TSHZ2: variants seen among roughly 807,000 people sequenced by gnomAD.
TSHZ2 encodes teashirt homolog 2.
A neutral mutation model predicts 74.4 loss-of-function variants in TSHZ2; 21 were observed. That is an observed-to-expected ratio of 0.28 (90% confidence interval 0.20 to 0.41). The LOEUF is 0.41. Ranked by LOEUF, TSHZ2 falls within the 10% of genes least tolerant of loss-of-function variation. The pLI is 1.00. For synonymous variants in TSHZ2, 540 were observed against 515.3 expected (o/e 1.05, Z -0.65); for missense variants, 1,244 against 1,293.5 (o/e 0.96, Z 0.59).
intron 2 of TSHZ2, among the ~76,000 whole-genome samples, chr20:53,436,469 C>T (rs1472103684): frequency 4.0e-5 from 6 of 151,328 alleles, no homozygotes; most frequent in South Asian, 4.2e-4. Context: ...AAGCCGTGGA[C>T]GACGTACCTA....
At chr20:53,395,145 C>A (rs950138181) in intron 2 of TSHZ2, among the ~76,000 whole-genome samples, 5 of 152,154 alleles carry the variant, frequency 3.3e-5, no homozygotes, top group Admixed American at 1.3e-4. Context: ...CACAACCCAC[C>A]AGATCAATGA....
chr20:53,259,341 C>A (rs1175433590), intron 2 of TSHZ2, among the ~76,000 whole-genome samples: 1 of 152,194 alleles, frequency 6.6e-6, no homozygotes, highest in African/African-American at 2.4e-5. Flanking sequence ...TTAAATCCTG[C>A]AAAATGCTCT....
rs1986364894 is a variant in TSHZ2 at position 53,488,808 on chromosome 20, C to G, written c.*1673C>G. On this transcript the variant is annotated 3_prime_UTR_variant, in exon 3 of 3. Coordinates refer to ENST00000371497, the MANE Select transcript of TSHZ2 (RefSeq NM_173485.6). ...GTTGGAATTGTTTTGGAAATTTTGA[C>G]ATGATCCCTAAATTCAACATTGGGA... The G allele has an allele frequency of 3.1e-6, 1 of 317,572 alleles. No homozygotes were observed. Among genetic ancestry groups the G allele is most frequent in the Non-Finnish European group, 6.1e-6 (1 of 164,248 alleles). 19.7% of individuals were successfully genotyped at this position (317,572 alleles called of 1,614,324 possible).
At position 53,234,787 on chromosome 20, in the gene TSHZ2, T is replaced by C. The variant is rs551201038; in HGVS notation, c.41-18712T>C. 5.9e-5 allele frequency among the ~76,000 whole-genome samples: 9 copies of C among 152,238 alleles called. No homozygotes were observed. In the South Asian group the frequency reaches 1.9e-3, roughly 32 times the overall value. ...GGAAGAGGGAAATAGAAGAAAGCGT[T>C]GGAGACCAAGTGGAGAGCTAACATA... is the stretch of plus-strand genomic sequence containing the variant. On this transcript the variant is annotated intron_variant, in intron 1 of 2. Transcript: ENST00000371497.
intron 1 of TSHZ2, among the ~76,000 whole-genome samples, chr20:53,025,746 G>T (rs374599176): frequency 1.3e-5 from 2 of 152,180 alleles, no homozygotes; most frequent in African/African-American, 4.8e-5. Context: ...GTCACAAAAT[G>T]AATCCTCTCT....
At chr20:53,410,587 CATTATTATTATT>C (rs71194476) in intron 2 of TSHZ2, among the ~76,000 whole-genome samples, 20 of 141,844 alleles carry the variant, frequency 1.4e-4, no homozygotes, top group South Asian at 1.4e-3. Context: ...ATTATCGTCA[CATTATTATTATT>C]ATTATTATTA....
intron 2 of TSHZ2, among the ~76,000 whole-genome samples, chr20:53,419,093 A>G (rs1568909166): frequency 6.6e-6 from 1 of 152,192 alleles, no homozygotes; most frequent in African/African-American, 2.4e-5. Context: ...AGTTGGCGCT[A>G]ATTGTTAGAT....
At chr20:53,076,496 C>G (rs1349521964) in intron 1 of TSHZ2, among the ~76,000 whole-genome samples, 1 of 152,168 alleles carries the variant, frequency 6.6e-6, no homozygotes, top group Non-Finnish European at 1.5e-5. Flanking sequence ...TCAGACTGCA[C>G]GTTTCAGTTG....
At chr20:53,135,650 C>T (rs970036030) in intron 1 of TSHZ2, among the ~76,000 whole-genome samples, 4 of 152,072 alleles carry the variant, frequency 2.6e-5, no homozygotes, top group Admixed American at 2.6e-4. Flanking sequence ...GGCTGGAGTA[C>T]AGTACAGTGG....
chr20:53,186,797 A>C (rs1600730321), intron 1 of TSHZ2, among the ~76,000 whole-genome samples: 1 of 151,908 alleles, frequency 6.6e-6, no homozygotes, highest in East Asian at 1.9e-4. Context: ...CGTATTAACA[A>C]TCTCCCCTCA....
intron 2 of TSHZ2, among the ~76,000 whole-genome samples, chr20:53,422,019 T>C (rs931921970): frequency 6.6e-6 from 1 of 152,186 alleles, no homozygotes; most frequent in African/African-American, 2.4e-5. Context: ...CCACTGCTTC[T>C]GTAGCTCAGG....
chr20:53,467,635 C>T (rs1985601246), intron 2 of TSHZ2, among the ~76,000 whole-genome samples: 1 of 152,198 alleles, frequency 6.6e-6, no homozygotes, highest in South Asian at 2.1e-4. Flanking sequence ...CAATATCACA[C>T]AGCTAGTAAA....
At chr20:53,072,957 T>TCATCCATCTATCCCTC (rs1985223129) in intron 1 of TSHZ2, among the ~76,000 whole-genome samples, 1 of 150,080 alleles carries the variant, frequency 6.7e-6, no homozygotes, top group Non-Finnish European at 1.5e-5. Flanking sequence ...CTCCGTTCCT[T>TCATCCATCTATCCCTC]CATCCATCTA....
chr20:53,465,287 G>A (rs1323387962), intron 2 of TSHZ2, among the ~76,000 whole-genome samples: 1 of 152,010 alleles, frequency 6.6e-6, no homozygotes, highest in African/African-American at 2.4e-5. Context: ...GTGTGTGTGT[G>A]TGAGACAGAG....
chr20:53,395,998 C>T (rs894832137), intron 2 of TSHZ2, among the ~76,000 whole-genome samples: 3 of 152,180 alleles, frequency 2.0e-5, no homozygotes, highest in Non-Finnish European at 4.4e-5. Context: ...TGCAGTGGCG[C>T]GATCTCGGCT....
intron 1 of TSHZ2, among the ~76,000 whole-genome samples, chr20:53,155,349 G>A (rs1369425672): frequency 6.6e-6 from 1 of 152,062 alleles, no homozygotes; most frequent in Non-Finnish European, 1.5e-5. Flanking sequence ...TGAGACTGGT[G>A]TCAGAAAGGA....
rs372274817 is a variant in TSHZ2, at chr20:52,985,783, C to T, written c.40+12450C>T. ...CCAAGGAGCCGAAAGCATGTCTCTA[C>T]GGGGAAAGGTTAGAGAGCACTGACT... On this transcript the variant is annotated intron_variant, in intron 1 of 2. Coordinates refer to ENST00000371497, the MANE Select transcript of TSHZ2 (RefSeq NM_173485.6). 1.8e-3 allele frequency among the ~76,000 whole-genome samples: 272 copies of T among 152,234 alleles called. 1 individual carries two copies. The highest frequency in any genetic ancestry group is 2.9e-3 in the Non-Finnish European group (200 of 68,012).
intron 1 of TSHZ2, among the ~76,000 whole-genome samples, chr20:53,032,501 A>G (rs554505486): frequency 1.3e-5 from 2 of 152,322 alleles, no homozygotes; most frequent in African/African-American, 2.4e-5. Context: ...CCACTTGGTA[A>G]TATCATCAGG....
chr20:53,371,036 C>T (rs898686941), intron 2 of TSHZ2, among the ~76,000 whole-genome samples: 21 of 152,208 alleles, frequency 1.4e-4, no homozygotes, highest in Non-Finnish European at 2.9e-4. Flanking sequence ...CCGCATCGCT[C>T]CAGCTTCTGC....
Sources: allele counts gnomAD v4.1 joint callset (sites outside exome capture counted in the v4.1 genomes callset), GRCh38; gene constraint gnomAD v4.1.1; transcripts MANE v1.5; gene names NCBI Gene and HGNC (gene_info 2026-07-23, HGNC 2026-07-21).